CNTNAP2: variants seen among roughly 807,000 people sequenced by gnomAD.
CNTNAP2 encodes the protein contactin-associated protein-like 2.
Under a neutral mutation model 155.2 loss-of-function variants are expected in CNTNAP2, and 98 were observed. The observed-to-expected ratio is 0.63, with a 90% CI of 0.54 to 0.75. CNTNAP2 has a LOEUF of 0.75. Ranked by LOEUF, CNTNAP2 falls within the 30% of genes least tolerant of loss-of-function variation. The pLI is 0.00. For missense variants in CNTNAP2, 1,727 were observed against 1,688.1 expected, an observed-to-expected ratio of 1.02 and a Z score of -0.40; for synonymous variants, 651 against 631.2, an observed-to-expected ratio of 1.03 and a Z score of -0.47.
At chr7:146,362,783 T>TC (rs1211687651) in intron 1 of CNTNAP2, among the ~76,000 whole-genome samples, 1 of 148,244 alleles carries the variant, frequency 6.7e-6, no homozygotes, top group Admixed American at 6.7e-5. Flanking sequence ...TTTTTTTTTT[T>TC]TTTTTTGAGA....
chr7:147,810,729 C>G (rs2116606427), intron 13 of CNTNAP2, among the ~76,000 whole-genome samples: 1 of 152,324 alleles, frequency 6.6e-6, no homozygotes, highest in South Asian at 2.1e-4. Context: ...GCTATGATTT[C>G]AAATGCAGTT....
At chr7:148,083,383 A>G (rs1199609589) in intron 15 of CNTNAP2, among the ~76,000 whole-genome samples, 1 of 152,198 alleles carries the variant, frequency 6.6e-6, no homozygotes, top group Admixed American at 6.5e-5. Flanking sequence ...GGTTCCCTTC[A>G]TAGCATGAAC....
At chr7:147,407,754 C>A (rs1312846627) in intron 10 of CNTNAP2, among the ~76,000 whole-genome samples, 1 of 152,046 alleles carries the variant, frequency 6.6e-6, no homozygotes, top group East Asian at 1.9e-4. Flanking sequence ...ATAATGATTT[C>A]TATAGAAAAT....
chr7:146,862,511 A>C (rs934469523), intron 3 of CNTNAP2, among the ~76,000 whole-genome samples: 6 of 152,124 alleles, frequency 3.9e-5, no homozygotes, highest in African/African-American at 9.7e-5. Context: ...AACAAAAAAA[A>C]CGCTAATGAC....
intron 9 of CNTNAP2, among the ~76,000 whole-genome samples, chr7:147,301,562 A>G (rs1486505210): frequency 6.6e-6 from 1 of 151,086 alleles, no homozygotes; most frequent in East Asian, 2.0e-4. Context: ...AATTAAATAT[A>G]TAGTTATATA....
At chr7:146,721,332 CTATATACATTCTA>C (rs1416706512) in intron 1 of CNTNAP2, among the ~76,000 whole-genome samples, 15 of 129,452 alleles carry the variant, frequency 1.2e-4, no homozygotes, top group African/African-American at 2.7e-4. Flanking sequence ...TATATACATT[CTATATACATTCTA>C]TATATACATT....
chr7:146,629,875 G>A (rs1482792323), intron 1 of CNTNAP2, among the ~76,000 whole-genome samples: 2 of 152,096 alleles, frequency 1.3e-5, no homozygotes, highest in Non-Finnish European at 2.9e-5. Flanking sequence ...GTTCATTAGG[G>A]AGAAATAAAT....
intron 1 of CNTNAP2, among the ~76,000 whole-genome samples, chr7:146,608,373 A>G (rs545437794): frequency 1.3e-5 from 2 of 152,322 alleles, no homozygotes; most frequent in African/African-American, 4.8e-5. Flanking sequence ...ATTCAGATCT[A>G]TTTGAATTAT....
intron 8 of CNTNAP2, among the ~76,000 whole-genome samples, chr7:147,261,235 C>A (rs1460273504): frequency 3.3e-5 from 5 of 152,140 alleles, no homozygotes; most frequent in African/African-American, 9.7e-5. Context: ...GTTACTCTGG[C>A]AGTGGATTGA....
intron 21 of CNTNAP2, among the ~76,000 whole-genome samples, chr7:148,282,763 C>A (rs61130843): frequency 0.15 from 22,149 of 151,908 alleles, 2,079 homozygotes; most frequent in African/African-American, 0.26. Context: ...CAAAAAAAAT[C>A]ATTTATTGTT....
In CNTNAP2 at chr7:148,229,759, G is replaced by C. The variant is rs572154707; in HGVS notation, c.3361G>C (p.Glu1121Gln). 12 of 1,614,046 alleles carry C rather than the reference G, an allele frequency of 7.4e-6. No homozygotes were observed. The Admixed American group carries it at 2.0e-4, about 27-fold the overall frequency. Residue 1121 changes from glutamate to glutamine, a missense_variant, in exon 20 of 24, where the codon GAG becomes CAG. Glu to Gln is a conservative substitution (Grantham distance 29, BLOSUM62 2). Transcript: ENST00000361727. The part of the protein sequence containing the change: ...QPHSVNITRH[E>Q]KTIFLKLDHY... ...CCACAGTGTCAACATCACCCGCCAC[G>C]AGAAGACCATCTTTCTCAAGGTATA...
rs144334709 is a variant in CNTNAP2 at position 148,076,380 on chromosome 7, A to T, written c.2384-41738A>T. ...CTCGCCCAAAATGTCAAGAATGCCAAAATGGAGACACCCTGGTGTAGACCT... is the reference window on the plus strand; with the variant it reads ...CTCGCCCAAAATGTCAAGAATGCCATAATGGAGACACCCTGGTGTAGACCT... On this transcript the variant is annotated intron_variant, in intron 15 of 23. Transcript: ENST00000361727. Among the ~76,000 whole-genome samples, 121 of 150,496 alleles carry T rather than the reference A, an allele frequency of 8.0e-4. 1 individual carries two copies. The highest frequency in any genetic ancestry group is 2.8e-3 in the African/African-American group (117 of 41,184).
At chr7:147,568,324 T>C (rs540264907) in intron 12 of CNTNAP2, among the ~76,000 whole-genome samples, 81 of 152,320 alleles carry the variant, frequency 5.3e-4, no homozygotes, top group African/African-American at 1.6e-3. Flanking sequence ...TTGACATAAA[T>C]TGACTCTTCA....
At chr7:146,865,420 TAAAG>T (rs1202948249) in intron 3 of CNTNAP2, among the ~76,000 whole-genome samples, 1 of 152,110 alleles carries the variant, frequency 6.6e-6, no homozygotes, top group African/African-American at 2.4e-5. Context: ...AAACTTATAA[TAAAG>T]ATAGTCTTGT....
At chr7:147,220,839 G>A (rs1461724206) in intron 8 of CNTNAP2, among the ~76,000 whole-genome samples, 3 of 151,772 alleles carry the variant, frequency 2.0e-5, no homozygotes, top group Non-Finnish European at 2.9e-5. Flanking sequence ...TCAGCCTCCC[G>A]AGTAGCTGGG....
chr7:147,489,583 T>C (rs1310408242), intron 11 of CNTNAP2, among the ~76,000 whole-genome samples: 1 of 152,180 alleles, frequency 6.6e-6, no homozygotes, highest in African/African-American at 2.4e-5. Flanking sequence ...TGTATTGACT[T>C]ATCCCTGCTT....
chr7:147,427,984 C>T (rs1797406976), intron 10 of CNTNAP2, among the ~76,000 whole-genome samples: 1 of 152,030 alleles, frequency 6.6e-6, no homozygotes. Flanking sequence ...TTTTAGGTTT[C>T]AGTTAAATTA....
In CNTNAP2 at chr7:148,415,777, T is replaced by TAAAAA; in HGVS notation, c.*161_*162insAAAAA. ...TATAATGGAATATTCTTGAGACTGA[T>TAAAAA]CACAAAAAAAAAAACCTTTTTAATA... On this transcript the variant is annotated 3_prime_UTR_variant, in exon 24 of 24. Transcript: ENST00000361727. The TAAAAA allele has an allele frequency of 1.5e-6, 1 of 666,238 alleles. No homozygotes were observed. Among genetic ancestry groups the TAAAAA allele is most frequent in the Non-Finnish European group, 2.4e-6 (1 of 422,028 alleles). The allele number at this position is 666,238 out of a possible 1,614,324, so 41.3% of individuals were successfully genotyped here.
chr7:146,551,537 A>G (rs1180145861), intron 1 of CNTNAP2, among the ~76,000 whole-genome samples: 6 of 152,064 alleles, frequency 3.9e-5, no homozygotes, highest in African/African-American at 1.4e-4. Context: ...CCAGTCTATC[A>G]TTGTTGGACA....
Sources: allele counts gnomAD v4.1 joint callset (sites outside exome capture counted in the v4.1 genomes callset), GRCh38; gene constraint gnomAD v4.1.1; transcripts MANE v1.5; gene names NCBI Gene and HGNC (gene_info 2026-07-23, HGNC 2026-07-21).